Variants in AP2B1 observed in about 807,000 individuals in gnomAD.
The protein encoded by AP2B1 is AP-2 complex subunit beta.
In AP2B1, 23 loss-of-function variants were observed where a neutral mutation model predicts 102.0. The ratio of observed to expected loss-of-function variants is 0.23; its 90% CI spans 0.16 to 0.32. The LOEUF is 0.32. Ranked by LOEUF, AP2B1 falls within the 10% of genes least tolerant of loss-of-function variation. AP2B1 has a pLI of 1.00. For synonymous variants in AP2B1, 381 were observed against 421.2 expected (o/e 0.90, Z 1.17); for missense variants, 541 against 1,157.4 (o/e 0.47, Z 7.73).
chr17:35,595,494 T>C (rs995222969), intron 2 of AP2B1, among the ~76,000 whole-genome samples: 1 of 151,790 alleles, frequency 6.6e-6, no homozygotes, highest in African/African-American at 2.4e-5. Flanking sequence ...CTGCAGTGAG[T>C]CGTGATTGTG....
At chr17:35,675,627 T>C (rs1278743315) in intron 17 of AP2B1, among the ~76,000 whole-genome samples, 2 of 151,800 alleles carry the variant, frequency 1.3e-5, no homozygotes, top group Non-Finnish European at 2.9e-5. Context: ...AGCCTTTTTT[T>C]TTTTCCTTTT....
intron 11 of AP2B1, among the ~76,000 whole-genome samples, chr17:35,640,814 A>G (rs1396022777): frequency 6.6e-6 from 1 of 152,196 alleles, no homozygotes; most frequent in Non-Finnish European, 1.5e-5. Flanking sequence ...CTGTCACCTA[A>G]GAATGACTAC....
intron 14 of AP2B1, among the ~76,000 whole-genome samples, chr17:35,663,940 C>G (rs1220727832): frequency 6.6e-6 from 1 of 152,106 alleles, no homozygotes; most frequent in Non-Finnish European, 1.5e-5. Context: ...TTCATCTTAT[C>G]CTTATTTATT....
rs1158409334 is a variant in AP2B1 at position 35,726,399 on chromosome 17, C to CA, written c.*2701dup. 1 of 152,152 alleles carries CA rather than the reference C, an allele frequency of 6.6e-6. No homozygotes were observed. The highest frequency in any genetic ancestry group is 1.5e-5 in the Non-Finnish European group (1 of 68,026). 9.4% of individuals were successfully genotyped at this position (152,152 alleles called of 1,614,324 possible). ...GACCTTGTGTCTTCGTCAATAAACT[C>CA]ACATTTACACAAAATGAAGTTTGTG... On this transcript the variant is annotated 3_prime_UTR_variant, in exon 22 of 22. Transcript: ENST00000610402.
intron 21 of AP2B1, among the ~76,000 whole-genome samples, chr17:35,722,616 A>T (rs934275507): frequency 2.0e-5 from 3 of 152,120 alleles, no homozygotes; most frequent in Non-Finnish European, 4.4e-5. Flanking sequence ...CTTTTGCACT[A>T]TGTTAAATTG....
At chr17:35,680,700 G>GTTTTTTTTTTTT (rs1176447688) in intron 17 of AP2B1, among the ~76,000 whole-genome samples, 1 of 128,922 alleles carries the variant, frequency 7.8e-6, no homozygotes. Context: ...TTTTTTTTTT[G>GTTTTTTTTTTTT]TTTTTTTTTT....
intron 3 of AP2B1, among the ~76,000 whole-genome samples, chr17:35,605,439 G>A (rs548662422): frequency 6.6e-6 from 1 of 152,070 alleles, no homozygotes; most frequent in African/African-American, 2.4e-5. Flanking sequence ...TAGTAGAGAC[G>A]GGGTTTCTCC....
chr17:35,718,767 G>GT (rs200713126), intron 21 of AP2B1, among the ~76,000 whole-genome samples: 2,626 of 143,230 alleles, frequency 0.018, 23 homozygotes, highest in African/African-American at 0.024. Context: ...GGTGTGTGTG[G>GT]TTTTTTTTTT....
chr17:35,705,858 A>T (rs74981786), intron 18 of AP2B1, among the ~76,000 whole-genome samples: 6,677 of 152,056 alleles, frequency 0.044, 172 homozygotes, highest in African/African-American at 0.068. Context: ...TTCTTTTTTG[A>T]ACAGACACTT....
At chr17:35,680,694 T>TG (rs2075801873) in intron 17 of AP2B1, among the ~76,000 whole-genome samples, 5 of 46,930 alleles carry the variant, frequency 1.1e-4, no homozygotes, top group African/African-American at 2.8e-4. Flanking sequence ...TGGTTTTTTT[T>TG]TTTTTGTTTT....
rs143277321 is a variant in AP2B1, at chr17:35,654,989, G to A, written c.1797-2610G>A. Among the ~76,000 whole-genome samples, 1,298 of 152,164 alleles carry A rather than the reference G, an allele frequency of 8.5e-3. 11 individuals are homozygous for A. Among genetic ancestry groups the A allele is most frequent in the African/African-American group, 0.026 (1,069 of 41,518 alleles). On this transcript the variant is annotated intron_variant, in intron 13 of 21. Transcript: ENST00000610402. The stretch of plus-strand genomic sequence containing the variant: ...GTAAACAAGCTGGGTAAGATTTGCC[G>A]AGTTCCTTTTACTGTTTGTAATCTT...
In AP2B1 at chr17:35,725,816, A is replaced by G. The variant is rs1457197392; in HGVS notation, c.*2117A>G. The G allele has an allele frequency of 6.6e-6, 1 of 152,524 alleles. No individual in the cohort carries two copies. Among genetic ancestry groups the G allele is most frequent in the African/African-American group, 2.4e-5 (1 of 41,418 alleles). The allele number at this position is 152,524 out of a possible 1,614,324, so 9.4% of individuals were successfully genotyped here. A position where few individuals can be genotyped will look rare whatever the true frequency, so the allele number is the denominator to read the frequency against. On this transcript the variant is annotated 3_prime_UTR_variant, in exon 22 of 22. Coordinates refer to ENST00000610402, the MANE Select transcript of AP2B1 (RefSeq NM_001030006.2). ...GGGCAAGCAGACAACACAATTTCCT[A>G]TCAGAATATGTCCCTCAACCCCCGA...
chr17:35,616,203 C>T (rs1226125382), intron 5 of AP2B1, among the ~76,000 whole-genome samples: 36 of 107,812 alleles, frequency 3.3e-4, no homozygotes, highest in African/African-American at 9.9e-4. Context: ...CTCGCTCAGT[C>T]GCCCAGGCTG....
chr17:35,647,718 C>G (rs2142794116), intron 12 of AP2B1, among the ~76,000 whole-genome samples: 1 of 152,148 alleles, frequency 6.6e-6, no homozygotes, highest in East Asian at 1.9e-4. Context: ...TCTATATAGT[C>G]AAAAACATCA....
rs886326154 is a variant in AP2B1 at position 35,624,340 on chromosome 17, T to C, written c.526-57T>C. The C allele has an allele frequency of 5.3e-6, 8 of 1,512,544 alleles. No homozygotes were observed. In the African/African-American group the frequency reaches 1.1e-4, roughly 21 times the overall value. 93.7% of individuals were successfully genotyped at this position (1,512,544 alleles called of 1,614,324 possible). A position where few individuals can be genotyped will look rare whatever the true frequency, so the allele number is the denominator to read the frequency against. On this transcript the variant is annotated intron_variant, in intron 5 of 21. Coordinates refer to ENST00000610402, the MANE Select transcript of AP2B1 (RefSeq NM_001030006.2). ...TGACCCAGAGAAGGCTGATGAAGTGTTTGTCTATAGCTGTGCTGTTCTTGG... is the reference window on the plus strand; with the variant it reads ...TGACCCAGAGAAGGCTGATGAAGTGCTTGTCTATAGCTGTGCTGTTCTTGG...
chr17:35,675,952 C>T (rs1876476874), intron 17 of AP2B1, among the ~76,000 whole-genome samples: 1 of 152,172 alleles, frequency 6.6e-6, no homozygotes, highest in Admixed American at 6.6e-5. Flanking sequence ...AGGTCCCATA[C>T]ATTGCAATTG....
At chr17:35,666,417 C>T (rs1208535228) in intron 14 of AP2B1, among the ~76,000 whole-genome samples, 2 of 152,152 alleles carry the variant, frequency 1.3e-5, no homozygotes, top group Non-Finnish European at 2.9e-5. Flanking sequence ...TGGGGGACTA[C>T]ACCACTAGCA....
At chr17:35,706,637 C>T (rs61138917) in intron 18 of AP2B1, among the ~76,000 whole-genome samples, 2,604 of 151,954 alleles carry the variant, frequency 0.017, 77 homozygotes, top group African/African-American at 0.06. Context: ...CCCCCATCAC[C>T]CCAGTTTTCA....
rs117395866 is a variant in AP2B1, at chr17:35,619,101, G to T, written c.526-5296G>T. On this transcript the variant is annotated intron_variant, in intron 5 of 21. Transcript: ENST00000610402. ...TAGTACTCAGACACTGGAATCAGAT[G>T]CAGACCTTGAGTTCAGATTCAAGCA... Among the ~76,000 whole-genome samples the T allele has an allele frequency of 1.5e-3, 229 of 152,296 alleles. 5 individuals carry two copies. In the East Asian group the frequency reaches 0.043, roughly 29 times the overall value.
Sources: allele counts gnomAD v4.1 joint callset (sites outside exome capture counted in the v4.1 genomes callset), GRCh38; gene constraint gnomAD v4.1.1; transcripts MANE v1.5; gene names NCBI Gene and HGNC (gene_info 2026-07-23, HGNC 2026-07-21).